Variants in PPP1R9A observed in about 807,000 individuals in gnomAD.
PPP1R9A encodes the protein protein phosphatase 1 regulatory subunit 9A.
PPP1R9A carries 59 observed loss-of-function variants against 141.9 expected under a neutral mutation model. The ratio of observed to expected loss-of-function variants is 0.42; its 90% CI spans 0.34 to 0.52. PPP1R9A has a LOEUF of 0.52. PPP1R9A is among the 20% of genes least tolerant of loss of function. The pLI, the probability that PPP1R9A is intolerant of heterozygous loss-of-function variation, is 0.10. For synonymous variants in PPP1R9A, 500 were observed against 569.7 expected, an observed-to-expected ratio of 0.88 and a Z score of 1.74; for missense variants, 1,444 against 1,611.9, an observed-to-expected ratio of 0.90 and a Z score of 1.78.
chr7:95,102,746 C>T (rs781771802), intron 2 of PPP1R9A, among the ~76,000 whole-genome samples: 17 of 152,114 alleles, frequency 1.1e-4, no homozygotes, highest in African/African-American at 1.7e-4. Context: ...TGTAAATCTG[C>T]GGTCTTATTT....
intron 2 of PPP1R9A, among the ~76,000 whole-genome samples, chr7:95,079,616 G>C (rs1231572138): frequency 6.6e-6 from 1 of 151,954 alleles, no homozygotes; most frequent in Admixed American, 6.6e-5. Flanking sequence ...TGATACCAAA[G>C]CCGGGCAGAG....
intron 2 of PPP1R9A, among the ~76,000 whole-genome samples, chr7:94,941,905 A>T (rs1345560336): frequency 6.6e-6 from 1 of 152,120 alleles, no homozygotes; most frequent in East Asian, 1.9e-4. Context: ...ATGTTTTTGC[A>T]TCTTTGTGAC....
At chr7:94,987,934 A>G (rs767644011) in intron 2 of PPP1R9A, among the ~76,000 whole-genome samples, 22 of 152,190 alleles carry the variant, frequency 1.4e-4, no homozygotes, top group Non-Finnish European at 2.9e-4. Flanking sequence ...CATGTTTTGC[A>G]TTGTAAGTCA....
chr7:95,284,841 C>T (rs1415414594), intron 17 of PPP1R9A, among the ~76,000 whole-genome samples: 1 of 152,234 alleles, frequency 6.6e-6, no homozygotes, highest in African/African-American at 2.4e-5. Context: ...CAGCATGACA[C>T]TGCAAACCTT....
At chr7:94,984,580 A>G (rs557460492) in intron 2 of PPP1R9A, among the ~76,000 whole-genome samples, 1 of 152,264 alleles carries the variant, frequency 6.6e-6, no homozygotes, top group South Asian at 2.1e-4. Context: ...GTGTCCAGGA[A>G]TTTATCCATT....
rs557473088 is a variant in PPP1R9A at position 95,228,269 on chromosome 7, T to C, written c.2112+2153T>C. Reference sequence around the variant, plus strand: ...CTTCCTGCTAAACTCAAAGCTCGCATGTTTTTGCTTATTATCATGTCCTCA... The same window carrying C: ...CTTCCTGCTAAACTCAAAGCTCGCACGTTTTTGCTTATTATCATGTCCTCA... On this transcript the variant is annotated intron_variant, in intron 8 of 19. Transcript: ENST00000433360. Among the ~76,000 whole-genome samples the C allele has an allele frequency of 3.3e-5, 5 of 152,352 alleles. No homozygotes were observed. The South Asian group carries it at 1.0e-3, about 32-fold the overall frequency.
rs1352633875 is a variant in PPP1R9A, at chr7:95,072,870, TATA to T, written c.1396-38385_1396-38383del. ...ATATAATATAAGTTATATAATATAATATAATATTATATAATATACCATATATAG... is the reference window on the plus strand; with the variant it reads ...ATATAATATAAGTTATATAATATAATATATTATATAATATACCATATATAG... On this transcript the variant is annotated intron_variant, in intron 2 of 19. Transcript: ENST00000433360. Among the ~76,000 whole-genome samples the T allele has an allele frequency of 1.8e-4, 20 of 113,794 alleles. No individual in the cohort carries two copies. The South Asian group carries it at 2.1e-3, about 12-fold the overall frequency. The allele number at this position is 113,794 out of a possible 152,430, so 74.7% of individuals were successfully genotyped here. A position where few individuals can be genotyped will look rare whatever the true frequency, so the allele number is the denominator to read the frequency against.
At chr7:95,284,581 C>A (rs1031077366) in intron 17 of PPP1R9A, among the ~76,000 whole-genome samples, 2 of 152,316 alleles carry the variant, frequency 1.3e-5, no homozygotes, top group East Asian at 3.9e-4. Flanking sequence ...CATTACTAAA[C>A]TATTTCACTG....
At chr7:95,275,542 C>T (rs1267446419) in intron 16 of PPP1R9A, among the ~76,000 whole-genome samples, 1 of 152,168 alleles carries the variant, frequency 6.6e-6, no homozygotes, top group African/African-American at 2.4e-5. Context: ...GGGCTTGCTC[C>T]TCCTGTGTAG....
chr7:95,255,943 A>G (rs1282593499), intron 12 of PPP1R9A, among the ~76,000 whole-genome samples: 5 of 152,124 alleles, frequency 3.3e-5, no homozygotes, highest in Non-Finnish European at 7.4e-5. Flanking sequence ...ATGTGATTCA[A>G]GGATTTCTGT....
chr7:94,967,438 C>T (rs1164209692), intron 2 of PPP1R9A, among the ~76,000 whole-genome samples: 1 of 152,078 alleles, frequency 6.6e-6, no homozygotes, highest in African/African-American at 2.4e-5. Context: ...TTCCTGCTTT[C>T]TCTTGTGGGC....
At chr7:95,284,776 A>G (rs1804966411) in intron 17 of PPP1R9A, among the ~76,000 whole-genome samples, 1 of 152,250 alleles carries the variant, frequency 6.6e-6, no homozygotes, top group Non-Finnish European at 1.5e-5. Flanking sequence ...CTTCAACAGA[A>G]TTAGGAAATA....
intron 8 of PPP1R9A, among the ~76,000 whole-genome samples, chr7:95,235,826 G>T (rs2152975519): frequency 6.6e-6 from 1 of 152,294 alleles, no homozygotes; most frequent in Non-Finnish European, 1.5e-5. Flanking sequence ...AAAGAGGAAA[G>T]AAATAATGGC....
At chr7:95,283,555 T>G (rs74616240) in intron 16 of PPP1R9A, among the ~76,000 whole-genome samples, 2,096 of 152,244 alleles carry the variant, frequency 0.014, 54 homozygotes, top group African/African-American at 0.047. Context: ...ACCCTGAAAT[T>G]TCAAAATTAT....
intron 16 of PPP1R9A, among the ~76,000 whole-genome samples, chr7:95,275,403 C>CA (rs10708689): frequency 0.011 from 1,087 of 96,562 alleles, 11 homozygotes; most frequent in African/African-American, 0.023. Context: ...GACTCCGTCT[C>CA]AAAAAAAAAA....
intron 8 of PPP1R9A, among the ~76,000 whole-genome samples, chr7:95,245,836 C>G (rs1303518371): frequency 6.6e-6 from 1 of 152,102 alleles, no homozygotes; most frequent in Non-Finnish European, 1.5e-5. Flanking sequence ...TAGGGTCCTA[C>G]TCTAGAAACT....
chr7:94,932,248 T>C (rs573965835), intron 2 of PPP1R9A, among the ~76,000 whole-genome samples: 1 of 152,348 alleles, frequency 6.6e-6, no homozygotes, highest in Non-Finnish European at 1.5e-5. Flanking sequence ...CAAAAGGCTT[T>C]TGTGTCATTA....
chr7:95,038,609 A>G (rs1056198871), intron 2 of PPP1R9A, among the ~76,000 whole-genome samples: 2 of 152,166 alleles, frequency 1.3e-5, no homozygotes, highest in African/African-American at 4.8e-5. Context: ...GGAGTAGGAT[A>G]TTACTGCCTG....
chr7:95,192,205 G>A (rs1220694628), intron 5 of PPP1R9A, among the ~76,000 whole-genome samples: 1 of 151,940 alleles, frequency 6.6e-6, no homozygotes, highest in East Asian at 1.9e-4. Context: ...ACAGTGTGTA[G>A]AGTAAGTACT....
Sources: allele counts gnomAD v4.1 joint callset (sites outside exome capture counted in the v4.1 genomes callset), GRCh38; gene constraint gnomAD v4.1.1; transcripts MANE v1.5; gene names NCBI Gene and HGNC (gene_info 2026-07-23, HGNC 2026-07-21).